SLC24A2: variants seen among roughly 807,000 people sequenced by gnomAD.
SLC24A2 encodes sodium/potassium/calcium exchanger 2.
Under a neutral mutation model 62.0 loss-of-function variants are expected in SLC24A2, and 36 were observed. The ratio of observed to expected loss-of-function variants is 0.58; its 90% CI spans 0.44 to 0.77. The LOEUF is 0.77. Ranked by LOEUF, SLC24A2 falls within the 30% of genes least tolerant of loss-of-function variation. SLC24A2 has a pLI of 0.00. For synonymous variants in SLC24A2, 358 were observed against 294.0 expected, an observed-to-expected ratio of 1.22 and a Z score of -2.23; for missense variants, 846 against 817.9, an observed-to-expected ratio of 1.03 and a Z score of -0.42.
At chr9:20,160,802 C>G in the SLC24A2 span, among the ~76,000 whole-genome samples, 1 of 149,340 alleles carries the variant, frequency 6.7e-6, no homozygotes, top group Non-Finnish European at 1.5e-5. Context: ...TTGAATAATA[C>G]AAATGAAATG....
At chr9:20,081,293 C>A in the SLC24A2 span, among the ~76,000 whole-genome samples, 1 of 151,898 alleles carries the variant, frequency 6.6e-6, no homozygotes, top group Non-Finnish European at 1.5e-5. Context: ...GAATACTATG[C>A]AGCCATAAAA....
At chr9:20,232,094 C>G in the SLC24A2 span, among the ~76,000 whole-genome samples, 1,655 of 152,268 alleles carry the variant, frequency 0.011, 34 homozygotes, top group African/African-American at 0.038. Context: ...CCCACTTGAT[C>G]ATGGTGGATA....
the SLC24A2 span, among the ~76,000 whole-genome samples, chr9:19,989,339 A>G: frequency 6.6e-6 from 1 of 152,180 alleles, no homozygotes; most frequent in Non-Finnish European, 1.5e-5. Context: ...TGATAATACT[A>G]CAATGAGAAT....
At chr9:20,063,735 C>A in the SLC24A2 span, among the ~76,000 whole-genome samples, 1 of 152,096 alleles carries the variant, frequency 6.6e-6, no homozygotes, top group East Asian at 1.9e-4. Context: ...AGAAAATGAG[C>A]AAAATAACAT....
At chr9:19,918,140 A>ATGTG in the SLC24A2 span, among the ~76,000 whole-genome samples, 8,969 of 147,966 alleles carry the variant, frequency 0.061, 596 homozygotes, top group African/African-American at 0.17. Flanking sequence ...AACTGACATT[A>ATGTG]TGTGTGTGTG....
chr9:19,769,885 A>G (rs1285254607), intron 2 of SLC24A2, among the ~76,000 whole-genome samples: 1 of 152,022 alleles, frequency 6.6e-6, no homozygotes, highest in Non-Finnish European at 1.5e-5. Context: ...TGCCTGTTCT[A>G]TTTGGTCTGC....
intron 2 of SLC24A2, among the ~76,000 whole-genome samples, chr9:19,664,366 A>T (rs1021419999): frequency 3.3e-5 from 5 of 152,272 alleles, no homozygotes; most frequent in Non-Finnish European, 4.4e-5. Flanking sequence ...GCTGTAAAGC[A>T]GCTGCCATTT....
At chr9:19,924,573 T>A in the SLC24A2 span, among the ~76,000 whole-genome samples, 47 of 152,254 alleles carry the variant, frequency 3.1e-4, no homozygotes, top group Middle Eastern at 3.4e-3. Flanking sequence ...GTGTGGCTCC[T>A]CCTCAAGAGC....
the SLC24A2 span, among the ~76,000 whole-genome samples, chr9:20,019,147 A>G: frequency 1.3e-3 from 143 of 107,706 alleles, 5 homozygotes; most frequent in African/African-American, 1.6e-3. Flanking sequence ...GAAAGAAAGA[A>G]AGAAAGAAAG....
At chr9:19,525,446 C>G (rs1459277337) in intron 9 of SLC24A2, among the ~76,000 whole-genome samples, 2 of 136,776 alleles carry the variant, frequency 1.5e-5, no homozygotes, top group Admixed American at 1.6e-4. Context: ...CTCTGCCACC[C>G]ATGCTGGAGT....
At chr9:19,715,542 G>T (rs1177788696) in intron 2 of SLC24A2, among the ~76,000 whole-genome samples, 1 of 152,146 alleles carries the variant, frequency 6.6e-6, no homozygotes, top group East Asian at 1.9e-4. Context: ...TCTGTGCTAA[G>T]GATTTTTTTC....
At chr9:20,187,217 C>A in the SLC24A2 span, among the ~76,000 whole-genome samples, 1 of 152,178 alleles carries the variant, frequency 6.6e-6, no homozygotes, top group African/African-American at 2.4e-5. Context: ...TGGCTGACCT[C>A]AAATATGGCA....
intron 2 of SLC24A2, among the ~76,000 whole-genome samples, chr9:19,680,175 A>G (rs1463541846): frequency 1.3e-5 from 2 of 152,142 alleles, no homozygotes; most frequent in Non-Finnish European, 2.9e-5. Flanking sequence ...AGAAGTACTG[A>G]AAGTAGGCCG....
rs975031829 is a variant in SLC24A2 at position 19,508,220 on chromosome 9, G to C, written c.*7933C>G. ...GGTATATATGTGTACTTTGTGTTCA[G>C]GGTTCAATAGCGCAATTCAGTAACT... is the stretch of plus-strand genomic sequence containing the variant. On this transcript the variant is annotated 3_prime_UTR_variant, in exon 11 of 11. Transcript: ENST00000341998. 1 of 152,130 alleles carries C rather than the reference G, an allele frequency of 6.6e-6. No homozygotes were observed. The highest frequency in any genetic ancestry group is 2.4e-5 in the African/African-American group (1 of 41,416). 9.4% of individuals were successfully genotyped at this position (152,130 alleles called of 1,614,324 possible).
chr9:19,998,073 T>G, the SLC24A2 span, among the ~76,000 whole-genome samples: 1 of 152,174 alleles, frequency 6.6e-6, no homozygotes, highest in African/African-American at 2.4e-5. Flanking sequence ...TCTCACTATT[T>G]AGCACTTACT....
At chr9:19,518,243 C>A (rs1458129737) in intron 10 of SLC24A2, among the ~76,000 whole-genome samples, 1 of 151,998 alleles carries the variant, frequency 6.6e-6, no homozygotes, top group Non-Finnish European at 1.5e-5. Context: ...TAAAAAATCA[C>A]AAGCTTAGAA....
intron 2 of SLC24A2, among the ~76,000 whole-genome samples, chr9:19,748,295 T>C (rs1006247341): frequency 1.3e-5 from 2 of 152,176 alleles, no homozygotes; most frequent in Non-Finnish European, 2.9e-5. Context: ...AAAATTCCCA[T>C]TGCACTCATG....
the SLC24A2 span, among the ~76,000 whole-genome samples, chr9:20,078,354 G>A: frequency 2.9e-5 from 4 of 137,088 alleles, no homozygotes; most frequent in Non-Finnish European, 6.2e-5. Flanking sequence ...TGCCAGAGAA[G>A]TTAACTAGAA....
At chr9:19,820,046 T>C in the SLC24A2 span, among the ~76,000 whole-genome samples, 20 of 21,406 alleles carry the variant, frequency 9.3e-4, no homozygotes, top group Admixed American at 4.0e-3. Context: ...TATATACATA[T>C]ATATATATAC....
Sources: allele counts gnomAD v4.1 joint callset (sites outside exome capture counted in the v4.1 genomes callset), GRCh38; gene constraint gnomAD v4.1.1; transcripts MANE v1.5; gene names NCBI Gene and HGNC (gene_info 2026-07-23, HGNC 2026-07-21).